The following FAM171B variants were observed in gnomAD, a reference collection of about 807,000 sequenced individuals.
FAM171B encodes the protein protein FAM171B.
A neutral mutation model predicts 75.6 loss-of-function variants in FAM171B; 19 were observed. The observed-to-expected ratio is 0.25, with a 90% CI of 0.18 to 0.37. The LOEUF is 0.37. Ranked by LOEUF, FAM171B falls within the 10% of genes least tolerant of loss-of-function variation. The pLI, the probability that FAM171B is intolerant of heterozygous loss-of-function variation, is 1.00. For synonymous variants in FAM171B, 367 were observed against 361.7 expected, an observed-to-expected ratio of 1.01 and a Z score of -0.17; for missense variants, 848 against 982.4, an observed-to-expected ratio of 0.86 and a Z score of 1.83.
At chr2:186,726,275 A>G (rs1403425859) in intron 1 of FAM171B, among the ~76,000 whole-genome samples, 1 of 151,934 alleles carries the variant, frequency 6.6e-6, no homozygotes, top group Non-Finnish European at 1.5e-5. Flanking sequence ...ACACGCACAT[A>G]TTTTTTTCTT....
chr2:186,703,112 C>G (rs1689687103), intron 1 of FAM171B, among the ~76,000 whole-genome samples: 1 of 151,464 alleles, frequency 6.6e-6, no homozygotes, highest in Admixed American at 6.6e-5. Flanking sequence ...AAAGATCTCA[C>G]TCTGTCCCCC....
chr2:186,757,327 A>T (rs2682875), intron 6 of FAM171B, among the ~76,000 whole-genome samples: 1 of 151,530 alleles, frequency 6.6e-6, no homozygotes, highest in Non-Finnish European at 1.5e-5. Context: ...AACAAAAGAC[A>T]CTCCTAGACT....
At chr2:186,726,859 A>G (rs1263152357) in intron 1 of FAM171B, among the ~76,000 whole-genome samples, 1 of 152,132 alleles carries the variant, frequency 6.6e-6, no homozygotes, top group African/African-American at 2.4e-5. Context: ...AATGTAAAAT[A>G]TTTTTCAATG....
chr2:186,747,068 T>C (rs1690374499), intron 3 of FAM171B, 24 bp from the exon 4 acceptor site: 1 of 1,541,478 alleles, frequency 6.5e-7, no homozygotes. Context: ...TATCTCTTTG[T>C]TAATGAGGTT....
chr2:186,719,056 T>C (rs1223207088), intron 1 of FAM171B, among the ~76,000 whole-genome samples: 1 of 152,246 alleles, frequency 6.6e-6, no homozygotes, highest in Non-Finnish European at 1.5e-5. Context: ...CCTGAATTTG[T>C]ATTTACCGGT....
chr2:186,722,511 T>A (rs1360354127), intron 1 of FAM171B, among the ~76,000 whole-genome samples: 4 of 152,220 alleles, frequency 2.6e-5, no homozygotes, highest in Non-Finnish European at 5.9e-5. Context: ...GATCAACTGT[T>A]TCACATTTTA....
Position 186,764,215 on chromosome 2 carries a change from T to C in FAM171B, c.*1392T>C, listed in dbSNP as rs1027896670. 1 of 152,048 alleles carries C rather than the reference T, an allele frequency of 6.6e-6. No individual in the cohort carries two copies. The highest frequency in any genetic ancestry group is 2.4e-5 in the African/African-American group (1 of 41,440). The allele number at this position is 152,048 out of a possible 1,614,324, so 9.4% of individuals were successfully genotyped here. A position where few individuals can be genotyped will look rare whatever the true frequency, so the allele number is the denominator to read the frequency against. ...CTAAATTGCTTTATTTTTCATTCCCTCCTATTCAACATGGGAGCAGCATAG... is the reference window on the plus strand; with the variant it reads ...CTAAATTGCTTTATTTTTCATTCCCCCCTATTCAACATGGGAGCAGCATAG... On this transcript the variant is annotated 3_prime_UTR_variant, in exon 8 of 8. Coordinates refer to ENST00000304698, the MANE Select transcript of FAM171B (RefSeq NM_177454.4).
intron 1 of FAM171B, among the ~76,000 whole-genome samples, chr2:186,698,834 G>A (rs529687686): frequency 5.9e-5 from 9 of 152,096 alleles, no homozygotes; most frequent in Non-Finnish European, 8.8e-5. Flanking sequence ...CTCTATCTCC[G>A]TGAGTTTAAT....
At chr2:186,739,574 T>C (rs971580776) in intron 1 of FAM171B, among the ~76,000 whole-genome samples, 3 of 152,176 alleles carry the variant, frequency 2.0e-5, no homozygotes, top group African/African-American at 4.8e-5. Context: ...GGATCATCAA[T>C]ATTATTGTCT....
rs750928033 is a variant in FAM171B, at chr2:186,694,255, G to T, written c.82G>T (p.Ala28Ser). The T allele has an allele frequency of 6.2e-7, 1 of 1,611,004 alleles. No individual in the cohort carries two copies. Among genetic ancestry groups the T allele is most frequent in the South Asian group, 1.1e-5 (1 of 90,914 alleles). Residue 28 changes from alanine to serine, a missense_variant, in exon 1 of 8, where the codon GCG (alanine) becomes TCG (serine). Ala to Ser is a moderately conservative substitution (Grantham distance 99, BLOSUM62 1). Coordinates refer to ENST00000304698, the MANE Select transcript of FAM171B (RefSeq NM_177454.4). ...GCTGCTGAAAGCGCGGCTGGTCCCC[G>T]CGGCCGCCAGAGCGGAACTCAGCCG... ...VVLLKARLVP[A>S]AARAELSRSD... is the part of the protein sequence containing the mutation.
At chr2:186,744,820 C>T (rs964044619) in intron 3 of FAM171B, among the ~76,000 whole-genome samples, 7 of 148,600 alleles carry the variant, frequency 4.7e-5, no homozygotes, top group Middle Eastern at 7.0e-3. Flanking sequence ...AGCCACCGTG[C>T]CTGACCAGCA....
At chr2:186,704,808 T>C (rs926062990) in intron 1 of FAM171B, among the ~76,000 whole-genome samples, 18 of 152,136 alleles carry the variant, frequency 1.2e-4, no homozygotes, top group African/African-American at 4.1e-4. Context: ...GCTTGGCAAA[T>C]GTAGGATGTA....
intron 1 of FAM171B, among the ~76,000 whole-genome samples, chr2:186,709,168 C>G (rs192172095): frequency 6.6e-6 from 1 of 152,000 alleles, no homozygotes; most frequent in African/African-American, 2.4e-5. Context: ...GGACAGCACC[C>G]AGGGCATGGT....
chr2:186,718,345 G>T (rs1392297680), intron 1 of FAM171B, among the ~76,000 whole-genome samples: 1 of 152,126 alleles, frequency 6.6e-6, no homozygotes, highest in African/African-American at 2.4e-5. Flanking sequence ...TGCTACAGCT[G>T]ACTGTCATTC....
chr2:186,761,193 G>C lies in FAM171B; in HGVS notation c.1093G>C (p.Val365Leu). ...TACAGCCATATTAGGAGGAACAATA[G>C]TCATTGTCATTGGATTTTTTGCTGT... ...FLTAILGGTI[V>L]IVIGFFAVLL... is the part of the protein sequence containing the mutation. Residue 365 changes from valine (V) to leucine (L), a missense_variant, in exon 7 of 8, where the codon GTC becomes CTC. By Grantham distance (32) the Val-to-Leu change is conservative. Transcript: ENST00000304698. 6.2e-7 allele frequency: 1 copy of C among 1,612,542 alleles called. No homozygotes were observed. The highest frequency in any genetic ancestry group is 8.5e-7 in the Non-Finnish European group (1 of 1,179,176).
intron 1 of FAM171B, among the ~76,000 whole-genome samples, chr2:186,738,895 C>T (rs1249229040): frequency 6.6e-6 from 1 of 152,106 alleles, no homozygotes; most frequent in African/African-American, 2.4e-5. Context: ...ATGAGAAATG[C>T]ATTGTTAGGT....
At chr2:186,703,723 A>G (rs1460980495) in intron 1 of FAM171B, among the ~76,000 whole-genome samples, 1 of 152,172 alleles carries the variant, frequency 6.6e-6, no homozygotes, top group Non-Finnish European at 1.5e-5. Context: ...GTATAATTAA[A>G]TGAATTATGT....
chr2:186,762,871 T>A lies in FAM171B; in HGVS notation c.*48T>A. On this transcript the variant is annotated 3_prime_UTR_variant, in exon 8 of 8. Transcript: ENST00000304698. The surrounding 1 kb of genome is among the most constrained non-coding windows in gnomAD (Gnocchi z 4.0). ...GCTGTCTCGTGCTGTTTATTCTTGCTTCTTGTTGTAAATTGCAGTACGAAC... is the reference window on the plus strand; with the variant it reads ...GCTGTCTCGTGCTGTTTATTCTTGCATCTTGTTGTAAATTGCAGTACGAAC... The A allele has an allele frequency of 5.2e-6, 8 of 1,553,288 alleles. No homozygotes were observed. Among genetic ancestry groups the A allele is most frequent in the Non-Finnish European group, 6.9e-6 (8 of 1,152,548 alleles).
intron 1 of FAM171B, among the ~76,000 whole-genome samples, chr2:186,705,998 C>T (rs1055109673): frequency 6.6e-6 from 1 of 152,120 alleles, no homozygotes; most frequent in Non-Finnish European, 1.5e-5. Context: ...GCAGTCAATC[C>T]AGAAACTCTC....
Sources: allele counts gnomAD v4.1 joint callset (sites outside exome capture counted in the v4.1 genomes callset), GRCh38; gene constraint gnomAD v4.1.1; non-coding constraint Gnocchi (gnomAD v3.1); transcripts MANE v1.5; gene names NCBI Gene and HGNC (gene_info 2026-07-23, HGNC 2026-07-21).